Variants in SHTN1 observed in about 807,000 individuals in gnomAD.
SHTN1 encodes the protein shootin-1.
A neutral mutation model predicts 83.1 loss-of-function variants in SHTN1; 42 were observed. That is an observed-to-expected ratio of 0.51 (90% CI 0.39 to 0.65). SHTN1 has a LOEUF of 0.65. SHTN1 is among the 30% of genes least tolerant of loss of function. The probability of loss-of-function intolerance (pLI) is 0.00; values close to 1 mark genes in which losing one functional copy is unlikely to be tolerated. For synonymous variants in SHTN1, 224 were observed against 247.7 expected (o/e 0.90, Z 0.90); for missense variants, 622 against 737.8 (o/e 0.84, Z 1.82).
chr10:117,023,298 A>G (rs1185442732), intron 2 of SHTN1, among the ~76,000 whole-genome samples: 1 of 152,174 alleles, frequency 6.6e-6, no homozygotes, highest in Non-Finnish European at 1.5e-5. Flanking sequence ...TTTCTCCTCA[A>G]CTATCATTCC....
At chr10:116,888,461 A>C (rs554117831) in intron 16 of SHTN1, among the ~76,000 whole-genome samples, 1 of 152,316 alleles carries the variant, frequency 6.6e-6, no homozygotes, top group South Asian at 2.1e-4. Flanking sequence ...TCTGCGTCTG[A>C]CACTGGGCCT....
chr10:116,970,192 CAATTGGTAT>C (rs1282008096), intron 2 of SHTN1, among the ~76,000 whole-genome samples: 2 of 152,106 alleles, frequency 1.3e-5, no homozygotes, highest in Non-Finnish European at 2.9e-5. Context: ...ATGGATGTGT[CAATTGGTAT>C]AATTACTTTG....
At chr10:117,069,314 T>G (rs1416002650) in intron 1 of SHTN1, among the ~76,000 whole-genome samples, 1 of 152,060 alleles carries the variant, frequency 6.6e-6, no homozygotes, top group Non-Finnish European at 1.5e-5. Flanking sequence ...GGCACCAATC[T>G]CGGATTAGAG....
chr10:117,102,152 T>C (rs1262330816), intron 1 of SHTN1, among the ~76,000 whole-genome samples: 1 of 152,042 alleles, frequency 6.6e-6, no homozygotes, highest in Admixed American at 6.6e-5. Flanking sequence ...CCCTGCTGTT[T>C]TCTGAGGGAT....
chr10:116,920,023 G>C (rs991891694), intron 12 of SHTN1, among the ~76,000 whole-genome samples: 2 of 152,170 alleles, frequency 1.3e-5, no homozygotes, highest in Non-Finnish European at 2.9e-5. Context: ...ATCTGCTCAG[G>C]GGGAGAGAGG....
At chr10:116,984,427 C>T (rs1851156178) in intron 1 of SHTN1, among the ~76,000 whole-genome samples, 1 of 152,182 alleles carries the variant, frequency 6.6e-6, no homozygotes, top group South Asian at 2.1e-4. Context: ...TTCTGGGCCG[C>T]TCTGTCAAGA....
chr10:116,933,433 C>T (rs1243690664), intron 9 of SHTN1, among the ~76,000 whole-genome samples: 1 of 151,964 alleles, frequency 6.6e-6, no homozygotes, highest in Non-Finnish European at 1.5e-5. Flanking sequence ...TTTTCTGTTC[C>T]TGTGTTAGTT....
At chr10:117,018,778 G>T (rs181908261) in intron 2 of SHTN1, among the ~76,000 whole-genome samples, 1 of 151,962 alleles carries the variant, frequency 6.6e-6, no homozygotes, top group South Asian at 2.1e-4. Flanking sequence ...TCACCATGTT[G>T]GCCAGGCTGG....
At chr10:117,030,700 A>C (rs192697847) in intron 2 of SHTN1, among the ~76,000 whole-genome samples, 1 of 152,184 alleles carries the variant, frequency 6.6e-6, no homozygotes, top group Admixed American at 6.5e-5. Context: ...TAGACTGAAA[A>C]ATACAATTGG....
chr10:117,033,269 C>T (rs1358637555), intron 2 of SHTN1, among the ~76,000 whole-genome samples: 2 of 151,246 alleles, frequency 1.3e-5, no homozygotes, highest in Non-Finnish European at 3.0e-5. Context: ...AAACTTAAAC[C>T]AAATTGACAA....
chr10:117,049,140 A>G (rs1226736455), intron 1 of SHTN1, among the ~76,000 whole-genome samples: 1 of 152,184 alleles, frequency 6.6e-6, no homozygotes, highest in Admixed American at 6.5e-5. Context: ...CAAAAGAGTG[A>G]TCAATGGAAA....
chr10:117,078,837 G>A (rs912960242), intron 1 of SHTN1, among the ~76,000 whole-genome samples: 6 of 152,028 alleles, frequency 3.9e-5, no homozygotes. Context: ...ACTTTTGGAA[G>A]GTCATGTCTT....
chr10:116,980,873 T>C (rs1850990798), intron 1 of SHTN1, among the ~76,000 whole-genome samples: 1 of 152,202 alleles, frequency 6.6e-6, no homozygotes, highest in Non-Finnish European at 1.5e-5. Flanking sequence ...TTTATGAGAT[T>C]ATATCACCAA....
chr10:116,979,545 C>T (rs1320960299), intron 1 of SHTN1, among the ~76,000 whole-genome samples: 1 of 152,186 alleles, frequency 6.6e-6, no homozygotes, highest in Non-Finnish European at 1.5e-5. Flanking sequence ...GCCTTGGCCT[C>T]GCAAAGTGCG....
At chr10:116,997,140 A>G (rs758379123) in intron 1 of SHTN1, among the ~76,000 whole-genome samples, 2 of 152,136 alleles carry the variant, frequency 1.3e-5, no homozygotes, top group African/African-American at 2.4e-5. Flanking sequence ...TTTACAACCC[A>G]TATCACCTCA....
At chr10:116,919,050 A>G (rs1374437712) in intron 12 of SHTN1, among the ~76,000 whole-genome samples, 3 of 152,234 alleles carry the variant, frequency 2.0e-5, no homozygotes, top group Non-Finnish European at 2.9e-5. Context: ...AACTCTGAAT[A>G]CCTTACCAAC....
chr10:117,043,121 A>ATATTTATTTATT (rs71013634), intron 2 of SHTN1, among the ~76,000 whole-genome samples: 31 of 147,946 alleles, frequency 2.1e-4, no homozygotes, highest in South Asian at 4.3e-4. Flanking sequence ...GTGGATCTTT[A>ATATTTATTTATT]TATTTATTTA....
At chr10:117,044,912 G>C (rs946485889) in intron 2 of SHTN1, among the ~76,000 whole-genome samples, 1 of 152,116 alleles carries the variant, frequency 6.6e-6, no homozygotes, top group Non-Finnish European at 1.5e-5. Flanking sequence ...TCATTTTAAA[G>C]CTTAGCTATT....
intron 12 of SHTN1, among the ~76,000 whole-genome samples, chr10:116,920,075 G>A (rs551358815): frequency 1.8e-4 from 28 of 152,302 alleles, no homozygotes; most frequent in African/African-American, 6.5e-4. Context: ...GAGGTAGGAA[G>A]TGGGACATTA....
Sources: allele counts gnomAD v4.1 joint callset (sites outside exome capture counted in the v4.1 genomes callset), GRCh38; gene constraint gnomAD v4.1.1; transcripts MANE v1.5; gene names NCBI Gene and HGNC (gene_info 2026-07-23, HGNC 2026-07-21).